The following CTBP2 variants were observed in gnomAD, a reference collection of about 807,000 sequenced individuals.
The protein encoded by CTBP2 is C-terminal binding protein 2, also known as C-terminal-binding protein 2.
A neutral mutation model predicts 80.3 loss-of-function variants in CTBP2; 30 were observed. The ratio of observed to expected loss-of-function variants is 0.37; its 90% CI spans 0.28 to 0.51. The LOEUF is 0.51. Among genes scored for constraint, CTBP2 ranks in the 20% least tolerant of loss-of-function variants. The pLI is 0.93. For synonymous variants in CTBP2, 594 were observed against 587.4 expected, an observed-to-expected ratio of 1.01 and a Z score of -0.16; for missense variants, 1,212 against 1,375.3, an observed-to-expected ratio of 0.88 and a Z score of 1.88.
intron 1 of CTBP2, among the ~76,000 whole-genome samples, chr10:125,159,517 G>A (rs1861573428): frequency 1.3e-5 from 2 of 148,592 alleles, no homozygotes; most frequent in African/African-American, 2.4e-5. Context: ...AGCGGCAGCA[G>A]ATGTGGCCCG....
chr10:125,145,105 T>A (rs1003203523), intron 1 of CTBP2, among the ~76,000 whole-genome samples: 1 of 152,238 alleles, frequency 6.6e-6, no homozygotes. Context: ...ATTTGAGTTA[T>A]ATAAAATCTT....
intron 2 of CTBP2, among the ~76,000 whole-genome samples, chr10:125,065,474 G>C (rs1271558319): frequency 6.6e-6 from 1 of 152,154 alleles, no homozygotes; most frequent in Non-Finnish European, 1.5e-5. Context: ...CAGGGGCTTT[G>C]GGGAAGGCGA....
chr10:125,056,486 A>G (rs1963963907), intron 2 of CTBP2, among the ~76,000 whole-genome samples: 1 of 152,212 alleles, frequency 6.6e-6, no homozygotes, highest in South Asian at 2.1e-4. Flanking sequence ...TGCCTTCAGA[A>G]GAGTGTGCCA....
At chr10:125,003,865 G>A (rs1954885371) in intron 1 of CTBP2, among the ~76,000 whole-genome samples, 1 of 151,032 alleles carries the variant, frequency 6.6e-6, no homozygotes, top group South Asian at 2.1e-4. Context: ...TATGACAGGG[G>A]ATAAGGCGTG....
At chr10:125,079,040 G>A (rs376041119) in intron 2 of CTBP2, among the ~76,000 whole-genome samples, 1 of 151,006 alleles carries the variant, frequency 6.6e-6, no homozygotes, top group Non-Finnish European at 1.5e-5. Context: ...CCAGCTACTC[G>A]GGAGGCTAAG....
intron 1 of CTBP2, among the ~76,000 whole-genome samples, chr10:125,150,339 T>A (rs1419475772): frequency 2.0e-5 from 3 of 152,204 alleles, no homozygotes; most frequent in African/African-American, 7.2e-5. Context: ...CTAAGCACTG[T>A]GAAAGCTACA....
At chr10:125,024,296 C>T (rs1169460097) in intron 1 of CTBP2, among the ~76,000 whole-genome samples, 1 of 152,226 alleles carries the variant, frequency 6.6e-6, no homozygotes, top group African/African-American at 2.4e-5. Flanking sequence ...GAAACTGCAG[C>T]TATGGGGTGG....
At chr10:125,060,171 C>A (rs1053278719) in intron 2 of CTBP2, among the ~76,000 whole-genome samples, 2 of 152,176 alleles carry the variant, frequency 1.3e-5, no homozygotes, top group East Asian at 1.9e-4. Context: ...CACAAGCATT[C>A]CCCACAGCCA....
In CTBP2 at chr10:124,987,726, C is replaced by G. The variant is rs1952092283; in HGVS notation, c.*1792G>C. 1 of 152,118 alleles carries G rather than the reference C, an allele frequency of 6.6e-6. No homozygotes were observed. Among genetic ancestry groups the G allele is most frequent in the Non-Finnish European group, 1.5e-5 (1 of 68,028 alleles). The allele number at this position is 152,118 out of a possible 1,614,324, so 9.4% of individuals were successfully genotyped here. On this transcript the variant is annotated 3_prime_UTR_variant, in exon 9 of 9. Transcript: ENST00000309035. ...AAATGAGTGAGCAGACAAGGCCAGG[C>G]AAGCCAAAGGCTTTAAGACACCATG...
chr10:125,112,162 G>C (rs941985641), intron 1 of CTBP2, among the ~76,000 whole-genome samples: 1 of 149,688 alleles, frequency 6.7e-6, no homozygotes, highest in Non-Finnish European at 1.5e-5. Context: ...ACCCAGGCTG[G>C]AGTGCAATGG....
intron 2 of CTBP2, among the ~76,000 whole-genome samples, chr10:125,048,367 G>T (rs1300354027): frequency 2.0e-5 from 3 of 152,192 alleles, no homozygotes; most frequent in Non-Finnish European, 4.4e-5. Flanking sequence ...AATAAGATCA[G>T]CTACTCCTAG....
At chr10:125,058,086 G>C (rs1964306142) in intron 2 of CTBP2, among the ~76,000 whole-genome samples, 1 of 151,990 alleles carries the variant, frequency 6.6e-6, no homozygotes, top group African/African-American at 2.4e-5. Flanking sequence ...TATTCTGCTT[G>C]TTCTTTATGA....
intron 1 of CTBP2, among the ~76,000 whole-genome samples, chr10:125,125,308 A>G (rs1244313127): frequency 1.3e-5 from 2 of 152,192 alleles, no homozygotes; most frequent in African/African-American, 2.4e-5. Context: ...ACACCATGCT[A>G]TATTTAAACA....
intron 1 of CTBP2, among the ~76,000 whole-genome samples, chr10:125,152,991 T>G (rs1860269931): frequency 6.6e-6 from 1 of 152,172 alleles, no homozygotes; most frequent in Non-Finnish European, 1.5e-5. Flanking sequence ...AGCCTGAGTC[T>G]CCATCAGGGT....
intron 1 of CTBP2, among the ~76,000 whole-genome samples, chr10:125,115,802 C>T (rs1853155330): frequency 6.6e-6 from 1 of 151,964 alleles, no homozygotes; most frequent in South Asian, 2.1e-4. Flanking sequence ...GGCCTCACTG[C>T]CATCCTGTGG....
intron 2 of CTBP2, among the ~76,000 whole-genome samples, chr10:125,107,319 C>T (rs1031174135): frequency 6.6e-6 from 1 of 152,196 alleles, no homozygotes; most frequent in African/African-American, 2.4e-5. Context: ...GGCCCAAACA[C>T]TGGAGCAGGA....
chr10:125,070,239 T>C (rs372957666), intron 2 of CTBP2, among the ~76,000 whole-genome samples: 6 of 152,168 alleles, frequency 3.9e-5, no homozygotes, highest in African/African-American at 1.4e-4. Flanking sequence ...CAGGCCCAGA[T>C]ACTTGGGAGG....
intron 1 of CTBP2, among the ~76,000 whole-genome samples, chr10:125,012,236 A>T (rs1439910315): frequency 6.6e-6 from 1 of 152,150 alleles, no homozygotes; most frequent in Non-Finnish European, 1.5e-5. Context: ...GGAGGACAGG[A>T]TGTGGGGGAT....
At chr10:125,160,127 G>A (rs534302789) in intron 1 of CTBP2, 192 bp downstream of exon 1, 1 of 149,576 alleles carries the variant, frequency 6.7e-6, no homozygotes, top group Admixed American at 6.6e-5. Flanking sequence ...CGGGCGCCGA[G>A]GGGGGACACG....
Sources: gnomAD v4.1 joint callset for allele counts (sites outside exome capture counted in the v4.1 genomes callset) on GRCh38, gnomAD v4.1.1 for gene constraint, MANE v1.5 for transcripts, NCBI Gene and HGNC (gene_info 2026-07-23, HGNC 2026-07-21) for gene names.